EPHA6: variants seen among roughly 807,000 people sequenced by gnomAD.
EPHA6 encodes the protein EPH receptor A6.
EPHA6 carries 50 observed loss-of-function variants against 112.0 expected under a neutral mutation model. That is an observed-to-expected ratio of 0.45 (90% confidence interval 0.36 to 0.56). The LOEUF is 0.56. EPHA6 is among the 20% of genes least tolerant of loss of function. The pLI, the probability that EPHA6 is intolerant of heterozygous loss-of-function variation, is 0.00. For synonymous variants in EPHA6, 529 were observed against 490.7 expected (o/e 1.08, Z -1.03); for missense variants, 1,280 against 1,417.4 (o/e 0.90, Z 1.56).
At chr3:97,280,400 G>A (rs2080246567) in intron 5 of EPHA6, among the ~76,000 whole-genome samples, 1 of 152,192 alleles carries the variant, frequency 6.6e-6, no homozygotes, top group Non-Finnish European at 1.5e-5. Flanking sequence ...TATTTAGAAA[G>A]CCAAGAACAT....
chr3:97,525,327 T>C (rs1246772557), intron 10 of EPHA6, among the ~76,000 whole-genome samples: 1 of 152,168 alleles, frequency 6.6e-6, no homozygotes, highest in Non-Finnish European at 1.5e-5. Flanking sequence ...AGCACTAGGA[T>C]TTCTGTTTGG....
chr3:97,395,610 T>C (rs990839716), intron 5 of EPHA6, among the ~76,000 whole-genome samples: 14 of 151,986 alleles, frequency 9.2e-5, no homozygotes, highest in African/African-American at 3.4e-4. Context: ...AAAATTTTGT[T>C]CTGATTTGTA....
chr3:97,645,315 C>T (rs953586033), intron 14 of EPHA6, among the ~76,000 whole-genome samples: 1 of 145,732 alleles, frequency 6.9e-6, no homozygotes, highest in African/African-American at 2.6e-5. Flanking sequence ...CACATATACA[C>T]CATGGAATAC....
At chr3:97,583,601 T>C (rs1408813444) in intron 11 of EPHA6, among the ~76,000 whole-genome samples, 1 of 151,054 alleles carries the variant, frequency 6.6e-6, no homozygotes, top group East Asian at 1.9e-4. Context: ...AAGAACTGTA[T>C]GAGGAAAGCT....
At chr3:97,188,020 C>T (rs187171919) in intron 3 of EPHA6, among the ~76,000 whole-genome samples, 35 of 152,224 alleles carry the variant, frequency 2.3e-4, no homozygotes, top group Admixed American at 6.5e-4. Context: ...AACTCTCATT[C>T]TCTGCTGTTG....
chr3:97,143,142 A>G (rs1256166165), intron 3 of EPHA6, among the ~76,000 whole-genome samples: 3 of 151,704 alleles, frequency 2.0e-5, no homozygotes, highest in African/African-American at 4.8e-5. Context: ...AACCAAATCA[A>G]TAACACAATC....
intron 12 of EPHA6, among the ~76,000 whole-genome samples, chr3:97,594,900 G>A (rs899545438): frequency 6.6e-6 from 1 of 152,234 alleles, no homozygotes; most frequent in South Asian, 2.1e-4. Flanking sequence ...TTGATTATCG[G>A]TCACAGTATT....
At chr3:97,718,874 T>C (rs959852024) in intron 14 of EPHA6, among the ~76,000 whole-genome samples, 3 of 152,138 alleles carry the variant, frequency 2.0e-5, no homozygotes, top group Admixed American at 6.5e-5. Flanking sequence ...CTCAATAATA[T>C]GGTGAGAAAT....
intron 10 of EPHA6, among the ~76,000 whole-genome samples, chr3:97,531,508 G>T (rs1028928398): frequency 2.0e-5 from 3 of 151,876 alleles, no homozygotes; most frequent in African/African-American, 7.3e-5. Context: ...ATCTCTCAAG[G>T]TCTAGCATAA....
chr3:97,736,614 C>T (rs1387088376), intron 16 of EPHA6, among the ~76,000 whole-genome samples: 1 of 151,510 alleles, frequency 6.6e-6, no homozygotes, highest in East Asian at 2.0e-4. Context: ...AAGAATATTT[C>T]CTGCTGATAT....
chr3:97,281,969 T>C (rs2080301435), intron 5 of EPHA6, among the ~76,000 whole-genome samples: 1 of 152,314 alleles, frequency 6.6e-6, no homozygotes, highest in Middle Eastern at 3.4e-3. Context: ...GTGGCACACA[T>C]AATAAGTGTT....
At chr3:96,864,974 T>G (rs1043996494) in intron 1 of EPHA6, among the ~76,000 whole-genome samples, 3 of 152,076 alleles carry the variant, frequency 2.0e-5, no homozygotes, top group Admixed American at 6.6e-5. Flanking sequence ...TGAAATTTAC[T>G]TCAAATGAAA....
intron 3 of EPHA6, among the ~76,000 whole-genome samples, chr3:97,000,124 A>G (rs909970321): frequency 6.6e-6 from 1 of 151,316 alleles, no homozygotes; most frequent in Non-Finnish European, 1.5e-5. Context: ...TACCAAGGCT[A>G]TTACTGTTGT....
intron 7 of EPHA6, among the ~76,000 whole-genome samples, chr3:97,457,967 C>G (rs940929139): frequency 7.0e-6 from 1 of 143,788 alleles, no homozygotes; most frequent in South Asian, 2.3e-4. Flanking sequence ...ACTAGGGAGG[C>G]TGAGGCAGGA....
chr3:97,668,911 CAAAAAAAAAA>C lies in EPHA6; in HGVS notation c.2784+30853_2784+30862del, dbSNP rs397990599. Among the ~76,000 whole-genome samples the C allele has an allele frequency of 6.9e-4, 22 of 31,916 alleles. No homozygotes were observed. The South Asian group carries it at 0.012, about 17-fold the overall frequency. The allele number at this position is 31,916 out of a possible 152,430, so 20.9% of individuals were successfully genotyped here. A position where few individuals can be genotyped will look rare whatever the true frequency, so the allele number is the denominator to read the frequency against. On this transcript the variant is annotated intron_variant, in intron 14 of 17. Coordinates refer to ENST00000389672, the MANE Select transcript of EPHA6 (RefSeq NM_001080448.3). Reference sequence around the variant, plus strand: ...TGTGTGACAGAGTGAGACTCTGTCTCAAAAAAAAAAAAAAAAAAAAAAAAAAAAAAAAATC... The same window carrying C: ...TGTGTGACAGAGTGAGACTCTGTCTCAAAAAAAAAAAAAAAAAAAAAAATC...
At chr3:97,607,438 A>G (rs149469828) in intron 12 of EPHA6, among the ~76,000 whole-genome samples, 1 of 151,126 alleles carries the variant, frequency 6.6e-6, no homozygotes, top group African/African-American at 2.4e-5. Context: ...TCTATAACAG[A>G]AAAGGATGAT....
chr3:97,675,122 A>G (rs1422741052), intron 14 of EPHA6, among the ~76,000 whole-genome samples: 3 of 152,204 alleles, frequency 2.0e-5, no homozygotes, highest in Non-Finnish European at 2.9e-5. Flanking sequence ...AGAGACCTGC[A>G]TCAATTCTGG....
At chr3:97,708,017 C>T (rs1203449943) in intron 14 of EPHA6, among the ~76,000 whole-genome samples, 2 of 152,138 alleles carry the variant, frequency 1.3e-5, no homozygotes, top group South Asian at 2.1e-4. Flanking sequence ...TGGACTAATA[C>T]AGAAAATTGG....
intron 7 of EPHA6, among the ~76,000 whole-genome samples, chr3:97,454,093 A>G (rs1445463445): frequency 1.3e-5 from 2 of 151,796 alleles, no homozygotes; most frequent in Non-Finnish European, 3.0e-5. Context: ...CATCATATCT[A>G]AGATTCTTCT....
Sources: allele counts gnomAD v4.1 joint callset (sites outside exome capture counted in the v4.1 genomes callset), GRCh38; gene constraint gnomAD v4.1.1; transcripts MANE v1.5; gene names NCBI Gene and HGNC (gene_info 2026-07-23, HGNC 2026-07-21).